Variants in PFKFB2 observed in about 807,000 individuals in gnomAD.
The protein encoded by PFKFB2 is 6-phosphofructo-2-kinase/fructose-2,6-biphosphatase 2.
Under a neutral mutation model 68.0 loss-of-function variants are expected in PFKFB2, and 53 were observed. The ratio of observed to expected loss-of-function variants is 0.78; its 90% confidence interval spans 0.63 to 0.98. The LOEUF (loss-of-function observed/expected upper bound fraction) is 0.98. PFKFB2 is among the 50% of genes least tolerant of loss of function. The probability of loss-of-function intolerance (pLI) is 0.00; values close to 1 mark genes in which losing one functional copy is unlikely to be tolerated. For synonymous variants in PFKFB2, 222 were observed against 227.6 expected, an observed-to-expected ratio of 0.98 and a Z score of 0.22; for missense variants, 451 against 642.0, an observed-to-expected ratio of 0.70 and a Z score of 3.22.
chr1:207,058,583 GT>G (rs1244733080), intron 2 of PFKFB2, among the ~76,000 whole-genome samples: 28 of 152,144 alleles, frequency 1.8e-4, no homozygotes, highest in African/African-American at 6.3e-4. Context: ...AAGTTATCAA[GT>G]CCTCATTTTT....
rs1360704563 is a variant in PFKFB2, at chr1:207,062,665, A to C, written c.257A>C (p.Lys86Thr). The C allele has an allele frequency of 3.1e-6, 5 of 1,614,040 alleles. No individual in the cohort carries two copies. The highest frequency in any genetic ancestry group is 4.2e-6 in the Non-Finnish European group (5 of 1,180,014). The change falls in exon 4 of 15, where the codon AAG (lysine) becomes ACG (threonine). Residue 86 changes from lysine to threonine, a missense_variant. Physicochemically the swap from Lys to Thr is moderately conservative, Grantham distance 78. Transcript: ENST00000367080. The stretch of plus-strand genomic sequence containing the variant: ...CGGCGTGAAGCAGTCAAGTCCTATA[A>C]GTCCTACGACTTCTTTCGGCATGAC... ...VYRREAVKSY[K>T]SYDFFRHDNE...
intron 4 of PFKFB2, among the ~76,000 whole-genome samples, 169 bp downstream of exon 4, chr1:207,062,885 C>T (rs1291416628): frequency 1.3e-5 from 2 of 152,118 alleles, no homozygotes; most frequent in African/African-American, 2.4e-5. Flanking sequence ...GAACAGGGCT[C>T]AGGGTGATTG....
chr1:207,047,241 G>A (rs1313285567), intron 2 of PFKFB2: 1 of 152,514 alleles, frequency 6.6e-6, no homozygotes, highest in Non-Finnish European at 1.5e-5. Context: ...ACACTTTTAA[G>A]TTATGCTGAC....
upstream of PFKFB2, among the ~76,000 whole-genome samples, chr1:207,052,009 G>A (rs1256144760): frequency 6.6e-6 from 1 of 152,200 alleles, no homozygotes; most frequent in Non-Finnish European, 1.5e-5. Flanking sequence ...AGGCGAAGGA[G>A]GAATAAAGAC....
At chr1:207,068,751 T>TTTC (rs796876897) in intron 10 of PFKFB2, among the ~76,000 whole-genome samples, 51 of 130,296 alleles carry the variant, frequency 3.9e-4, no homozygotes, top group African/African-American at 1.8e-3. Flanking sequence ...CATTTCTTTC[T>TTTC]TTTTTTTTTT....
intron 7 of PFKFB2, among the ~76,000 whole-genome samples, 196 bp from the exon 8 acceptor site, chr1:207,064,840 T>C (rs563494602): frequency 6.7e-6 from 1 of 150,272 alleles, no homozygotes; most frequent in Non-Finnish European, 1.5e-5. Context: ...TCCCCAGTTG[T>C]CTTAACTTTT....
chr1:207,079,229 C>A (rs1683705193), downstream of PFKFB2: 1 of 591,464 alleles, frequency 1.7e-6, no homozygotes, highest in Non-Finnish European at 3.0e-6. Context: ...CTTCCCTGTG[C>A]CTCAAAACAT....
rs1683581822 is a variant in PFKFB2 at position 207,074,900 on chromosome 1, T to C, written c.*2529T>C. 1.0e-6 allele frequency: 1 copy of C among 985,336 alleles called. No individual in the cohort carries two copies. Among genetic ancestry groups the C allele is most frequent in the African/African-American group, 1.7e-5 (1 of 57,242 alleles). The allele number at this position is 985,336 out of a possible 1,614,324, so 61.0% of individuals were successfully genotyped here. On this transcript the variant is annotated 3_prime_UTR_variant, in exon 15 of 15. Transcript: ENST00000367080. ...CTATGAGACTACAGGGGTTGGGGGA[T>C]GGGGATGCCCCCACCACCACCAGTG...
intron 2 of PFKFB2, among the ~76,000 whole-genome samples, chr1:207,042,580 A>AAAAAAAC (rs1682502151): frequency 7.0e-6 from 1 of 143,182 alleles, no homozygotes; most frequent in Non-Finnish European, 1.5e-5. Context: ...AAAAAAAAAA[A>AAAAAAAC]AGACTATTGC....
At chr1:207,071,656 C>A (rs1683468102) in intron 14 of PFKFB2, 83 bp downstream of exon 14, 2 of 967,304 alleles carry the variant, frequency 2.1e-6, no homozygotes, top group African/African-American at 1.6e-5. Flanking sequence ...ACTGGGGTTT[C>A]TTTTATGTAC....
At chr1:207,058,782 T>G (rs1397049146) in intron 2 of PFKFB2, among the ~76,000 whole-genome samples, 2 of 152,188 alleles carry the variant, frequency 1.3e-5, no homozygotes, top group East Asian at 3.8e-4. Context: ...CATAAGCCAC[T>G]GCGCCCAGCC....
intron 2 of PFKFB2, among the ~76,000 whole-genome samples, chr1:207,061,571 G>A (rs978553357): frequency 7.9e-5 from 12 of 152,052 alleles, no homozygotes; most frequent in South Asian, 2.1e-4. Context: ...TATGAAGTTC[G>A]TAGCTCAGTG....
Position 207,067,691 on chromosome 1 carries a change from G to A in PFKFB2, c.825G>A (p.Ser275=), listed in dbSNP as rs535088079. The A allele has an allele frequency of 5.9e-5, 96 of 1,613,580 alleles. No homozygotes were observed. Among genetic ancestry groups the A allele is most frequent in the East Asian group, 3.8e-4 (17 of 44,882 alleles). Residue 275 remains serine, a synonymous_variant, in exon 9 of 15, where the codon TCG becomes TCA. Transcript: ENST00000367080. ...LGKIGGDSGL[S]VRGKQFAQAL... The stretch of plus-strand genomic sequence containing the variant: ...AGATTGGGGGTGACTCTGGCCTCTC[G>A]GTGCGGGGAAAGCAGGTGAGTAATT...
chr1:207,069,389 A>G (rs765035116), intron 10 of PFKFB2, 35 bp from the exon 11 acceptor site: 4 of 1,427,136 alleles, frequency 2.8e-6, no homozygotes, highest in East Asian at 2.3e-5. Context: ...GGTACAGTCT[A>G]TCTCTTCAAG....
chr1:207,054,238 G>T (rs1302921600), intron 1 of PFKFB2, among the ~76,000 whole-genome samples: 1 of 151,922 alleles, frequency 6.6e-6, no homozygotes, highest in African/African-American at 2.4e-5. Flanking sequence ...CGTTAGATTG[G>T]AGTTAATTTC....
In PFKFB2 at chr1:207,063,115, T is replaced by A; in HGVS notation, c.309-28T>A. 1 of 1,601,374 alleles carries A rather than the reference T, an allele frequency of 6.2e-7. No individual in the cohort carries two copies. Among genetic ancestry groups the A allele is most frequent in the Non-Finnish European group, 8.6e-7 (1 of 1,168,666 alleles). On this transcript the variant is annotated intron_variant, in intron 4 of 14. Coordinates refer to ENST00000367080, the MANE Select transcript of PFKFB2 (RefSeq NM_006212.2). This position sits in a 1 kb window ranked among gnomAD's most constrained non-coding sequence, Gnocchi z 4.1. ...TCTGACTGTTTGAGCTTAGCTCTCC[T>A]TGCTGGTTTCATTTGCTCTTATGGC...
chr1:207,041,604 T>C (rs1427115831), intron 1 of PFKFB2, among the ~76,000 whole-genome samples: 1 of 152,246 alleles, frequency 6.6e-6, no homozygotes, highest in Non-Finnish European at 1.5e-5. Context: ...ATGGTGTATA[T>C]GTGCCACATT....
Position 207,074,378 on chromosome 1 carries a change from C to T in PFKFB2, c.*2007C>T. 1 of 985,362 alleles carries T rather than the reference C, an allele frequency of 1.0e-6. No homozygotes were observed. The highest frequency in any genetic ancestry group is 1.2e-6 in the Non-Finnish European group (1 of 829,882). 61.0% of individuals were successfully genotyped at this position (985,362 alleles called of 1,614,324 possible). A position where few individuals can be genotyped will look rare whatever the true frequency, so the allele number is the denominator to read the frequency against. On this transcript the variant is annotated 3_prime_UTR_variant, in exon 15 of 15. Coordinates refer to ENST00000367080, the MANE Select transcript of PFKFB2 (RefSeq NM_006212.2). ...TTCTAGGTTCTAGTCCCATCTTTAA[C>T]CCTTTACATTGCTGAGTGATGTGGA...
chr1:207,044,542 C>T (rs752603518), intron 2 of PFKFB2: 4 of 152,460 alleles, frequency 2.6e-5, no homozygotes, highest in Non-Finnish European at 5.9e-5. Context: ...ATATCTTCAC[C>T]ATTCCTAAAC....
Sources: allele counts gnomAD v4.1 joint callset (sites outside exome capture counted in the v4.1 genomes callset), GRCh38; gene constraint gnomAD v4.1.1; non-coding constraint Gnocchi (gnomAD v3.1); transcripts MANE v1.5; gene names NCBI Gene and HGNC (gene_info 2026-07-23, HGNC 2026-07-21).